LRRC32: variants seen among roughly 807,000 people sequenced by gnomAD.
LRRC32 encodes leucine rich repeat containing 32.
In LRRC32, 5 loss-of-function variants were observed where a neutral mutation model predicts 15.0. The observed-to-expected ratio is 0.33, with a 90% CI of 0.17 to 0.70. The LOEUF (loss-of-function observed/expected upper bound fraction) is 0.70, where lower values mean the gene tolerates loss of function less well. Among genes scored for constraint, LRRC32 ranks in the 30% least tolerant of loss-of-function variants. The probability of loss-of-function intolerance (pLI) is 0.66; values close to 1 mark genes in which losing one functional copy is unlikely to be tolerated. For missense variants in LRRC32, 803 were observed against 854.2 expected (o/e 0.94, Z 0.75); for synonymous variants, 391 against 403.9 (o/e 0.97, Z 0.38).
Position 76,659,855 on chromosome 11 carries a change from A to G in LRRC32, c.1738T>C (p.Trp580Arg). ...GNPLSCCGNG[W>R]LAAQLHQGRV... ...CCCTGGTGCAGCTGGGCTGCCAGCC[A>G]GCCATTGCCGCAGCAGCTGAGTGGA... Residue 580 changes from tryptophan (W) to arginine (R), a missense_variant, in exon 3 of 3, where the codon TGG becomes CGG. Transcript: ENST00000260061. The G allele has an allele frequency of 1.2e-6, 2 of 1,614,088 alleles. No homozygotes were observed. The highest frequency in any genetic ancestry group is 1.7e-6 in the Non-Finnish European group (2 of 1,180,032).
At chr11:76,667,664 C>T (rs1078575) in intron 1 of LRRC32, among the ~76,000 whole-genome samples, 3,007 of 152,350 alleles carry the variant, frequency 0.02, 104 homozygotes, top group African/African-American at 0.066. Context: ...AAAAGCAGAA[C>T]GCCACCGCCC....
At chr11:76,668,039 C>G (rs2120109361) in intron 1 of LRRC32, among the ~76,000 whole-genome samples, 1 of 152,292 alleles carries the variant, frequency 6.6e-6, no homozygotes, top group South Asian at 2.1e-4. Flanking sequence ...GCTACTGGGC[C>G]CCACCCCCTC....
intron 1 of LRRC32, 49 bp from the exon 2 acceptor site, chr11:76,666,007 T>G: frequency 3.2e-6 from 5 of 1,550,332 alleles, no homozygotes; most frequent in Non-Finnish European, 4.5e-6. Context: ...CACTGGCTCC[T>G]TCCCACTGCC....
intron 1 of LRRC32, among the ~76,000 whole-genome samples, chr11:76,667,110 C>T (rs554359902): frequency 2.6e-5 from 4 of 152,334 alleles, no homozygotes; most frequent in Admixed American, 6.5e-5. Flanking sequence ...GAGAATCAAA[C>T]GAGATGCCAC....
chr11:76,659,866 C>T lies in LRRC32; in HGVS notation c.1727G>A (p.Cys576Tyr). ...LYLQGNPLSCCGNGWLAAQLH... is the reference protein window; with the variant it reads ...LYLQGNPLSCYGNGWLAAQLH... ...CTGGGCTGCCAGCCAGCCATTGCCG[C>T]AGCAGCTGAGTGGATTCCCCTGCAG... The change falls in exon 3 of 3, where the codon TGC (cysteine) becomes TAC (tyrosine). Residue 576 changes from cysteine (C) to tyrosine (Y), a missense_variant. Physicochemically the swap from Cys to Tyr is radical, Grantham distance 194. Coordinates refer to ENST00000260061, the MANE Select transcript of LRRC32 (RefSeq NM_001128922.2). The T allele has an allele frequency of 6.2e-7, 1 of 1,614,068 alleles. No individual in the cohort carries two copies. Among genetic ancestry groups the T allele is most frequent in the Non-Finnish European group, 8.5e-7 (1 of 1,180,028 alleles).
At position 76,661,165 on chromosome 11, in the gene LRRC32, C is replaced by A; in HGVS notation, c.428G>T (p.Arg143Leu). Residue 143 changes from arginine to leucine, a missense_variant, in exon 3 of 3, where the codon CGG becomes CTG. Transcript: ENST00000260061. The stretch of plus-strand genomic sequence containing the variant: ...CAGGCTGGGTGCCTCCCCCAGCAGC[C>A]GCTCCAGCAGGCCGCTGTACAGGCT... The part of the protein sequence containing the change: ...GNSLYSGLLE[R>L]LLGEAPSLHT... The A allele has an allele frequency of 6.2e-7, 1 of 1,613,898 alleles. No individual in the cohort carries two copies. The highest frequency in any genetic ancestry group is 8.5e-7 in the Non-Finnish European group (1 of 1,179,938).
Position 76,661,491 on chromosome 11 carries a change from C to A in LRRC32, c.102G>T (p.Ser34=), listed in dbSNP as rs367831221. 1.2e-5 allele frequency: 19 copies of A among 1,605,794 alleles called. No individual in the cohort carries two copies. In the African/African-American group the frequency reaches 1.9e-4, roughly 16 times the overall value. ...CCTGGAGCAGGCCCAGAACCTGGCA[C>A]GAGACCTTCTTGTCCACCTGGGGAG... ...VPCKMVDKKV[S]CQVLGLLQVP... is the part of the protein sequence containing the mutation. The change falls in exon 3 of 3, where the codon TCG becomes TCT. Residue 34 remains serine (S), a synonymous_variant. Transcript: ENST00000260061.
intron 2 of LRRC32, among the ~76,000 whole-genome samples, chr11:76,664,371 C>T (rs1022931757): frequency 6.6e-6 from 1 of 152,242 alleles, no homozygotes; most frequent in Non-Finnish European, 1.5e-5. Context: ...CCTCCTTCAG[C>T]TCTGAGCTCC....
chr11:76,660,694 A>T lies in LRRC32; in HGVS notation c.899T>A (p.Leu300Gln), dbSNP rs757740917. The change falls in exon 3 of 3, where the codon CTG (leucine) becomes CAG (glutamine). Residue 300 changes from leucine (L) to glutamine (Q), a missense_variant. Leu to Gln is a moderately radical substitution (Grantham distance 113). Transcript: ENST00000260061. ...IHAPSEGWSA[L>Q]PLSAPSGNAS... Reference sequence around the variant, plus strand: ...ATTCCCGCTGGGGGCTGAGAGGGGCAGGGCTGACCAGCCCTCGGAAGGTGC... The same window carrying T: ...ATTCCCGCTGGGGGCTGAGAGGGGCTGGGCTGACCAGCCCTCGGAAGGTGC... 3.1e-6 allele frequency: 5 copies of T among 1,614,000 alleles called. No homozygotes were observed. In the South Asian group the frequency reaches 5.5e-5, roughly 18 times the overall value.
intron 2 of LRRC32, 34 bp from the exon 3 acceptor site, chr11:76,661,542 T>A: frequency 6.5e-7 from 1 of 1,545,888 alleles, no homozygotes; most frequent in Non-Finnish European, 8.7e-7. Flanking sequence ...ACAGCTGGCA[T>A]AAGTGGGCAC....
At position 76,660,576 on chromosome 11, in the gene LRRC32, G is replaced by A. The variant is rs751570520; in HGVS notation, c.1017C>T (p.Thr339=). Residue 339 remains threonine, a synonymous_variant, in exon 3 of 3, where the codon ACC becomes ACT. Transcript: ENST00000260061. ...LIPDSFLEHL[T]SLCFLNLSRN... is the part of the protein sequence containing the mutation. ...TGCTGAGGTTCAGGAAGCACAGGGA[G>A]GTCAGGTGCTCAAGAAAGCTGTCGG... is the stretch of plus-strand genomic sequence containing the variant. 2 of 1,614,084 alleles carry A rather than the reference G, an allele frequency of 1.2e-6. No individual in the cohort carries two copies. The highest frequency in any genetic ancestry group is 1.7e-6 in the Non-Finnish European group (2 of 1,180,036).
chr11:76,670,275 C>A lies in LRRC32; in HGVS notation c.-5+339G>T, dbSNP rs144005106. ...GGGCAGCCCCACGCCTGGCTGGGAT[C>A]GGAGCGTTGCAGGAAACCTGAATTC... is the stretch of plus-strand genomic sequence containing the variant. On this transcript the variant is annotated intron_variant, in intron 1 of 2. Transcript: ENST00000260061. Among the ~76,000 whole-genome samples, 19 of 152,314 alleles carry A rather than the reference C, an allele frequency of 1.2e-4. 1 individual carries two copies. The East Asian group carries it at 3.7e-3, about 29-fold the overall frequency.
At chr11:76,665,415 C>G (rs556071564) in intron 2 of LRRC32, among the ~76,000 whole-genome samples, 2 of 152,082 alleles carry the variant, frequency 1.3e-5, no homozygotes, top group Non-Finnish European at 2.9e-5. Flanking sequence ...GGCACTCCAG[C>G]GGGCAGTCCC....
In LRRC32 at chr11:76,660,103, G is replaced by T. The variant is rs1212795033; in HGVS notation, c.1490C>A (p.Ala497Glu). The T allele has an allele frequency of 6.2e-7, 1 of 1,613,900 alleles. No individual in the cohort carries two copies. Among genetic ancestry groups the T allele is most frequent in the South Asian group, 1.1e-5 (1 of 91,076 alleles). The change falls in exon 3 of 3, where the codon GCA becomes GAA. Residue 497 changes from alanine (A) to glutamate (E), a missense_variant. Transcript: ENST00000260061. ...GGLEASLEVLALQGNGLMVLQ... is the reference protein window; with the variant it reads ...GGLEASLEVLELQGNGLMVLQ... ...GACCATCAGCCCGTTGCCCTGCAGT[G>T]CCAGGACCTCCAAGGAGGCCTCCAG...
At chr11:76,663,207 A>G (rs1359279618) in intron 2 of LRRC32, 1 of 152,252 alleles carries the variant, frequency 6.6e-6, no homozygotes, top group African/African-American at 2.4e-5. Context: ...AGTCCCAGAC[A>G]TCATCAGTTT....
intron 1 of LRRC32, among the ~76,000 whole-genome samples, chr11:76,670,355 A>C (rs1952691858): frequency 2.0e-5 from 3 of 152,194 alleles, no homozygotes; most frequent in African/African-American, 7.2e-5. Context: ...CACGGTCTTC[A>C]GGCCATTGTT....
At chr11:76,663,015 T>G (rs1470367984) in intron 2 of LRRC32, 1 of 152,350 alleles carries the variant, frequency 6.6e-6, no homozygotes, top group African/African-American at 2.4e-5. Flanking sequence ...CACACTGAGC[T>G]TCAGGGCCTC....
At position 76,660,851 on chromosome 11, in the gene LRRC32, G is replaced by C. The variant is rs769250418; in HGVS notation, c.742C>G (p.Leu248Val). 10 of 1,614,240 alleles carry C rather than the reference G, an allele frequency of 6.2e-6. No homozygotes were observed. In the East Asian group the frequency reaches 2.2e-4, roughly 36 times the overall value. The change falls in exon 3 of 3, where the codon CTT becomes GTT. Residue 248 changes from leucine (L) to valine (V), a missense_variant. Physicochemically the swap from Leu to Val is conservative, Grantham distance 32 (BLOSUM62 1). Coordinates refer to ENST00000260061, the MANE Select transcript of LRRC32 (RefSeq NM_001128922.2). ...AGCAGTTTGTTCTCCCGCAGGTCAAGCCAGGTGAGCTGGAACTCAGCCTGG... is the reference window on the plus strand; with the variant it reads ...AGCAGTTTGTTCTCCCGCAGGTCAACCCAGGTGAGCTGGAACTCAGCCTGG... Reference protein sequence around the residue: ...QPQAEFQLTWLDLRENKLLHF... With the variant: ...QPQAEFQLTWVDLRENKLLHF...
chr11:76,661,104 G>A lies in LRRC32; in HGVS notation c.489C>T (p.Arg163=), dbSNP rs770260352. The part of the protein sequence containing the change: ...TLSLAENSLT[R]LTRHTFRDMP... ...TGTCCCGGAAGGTGTGGCGGGTGAG[G>A]CGAGTCAGACTGTTCTCCGCCAGTG... The change falls in exon 3 of 3, where the codon CGC becomes CGT. Residue 163 remains arginine, a synonymous_variant. Coordinates refer to ENST00000260061, the MANE Select transcript of LRRC32 (RefSeq NM_001128922.2). The A allele has an allele frequency of 6.2e-7, 1 of 1,613,950 alleles. No homozygotes were observed. The highest frequency in any genetic ancestry group is 1.7e-5 in the Admixed American group (1 of 60,032).
Sources: allele counts gnomAD v4.1 joint callset (sites outside exome capture counted in the v4.1 genomes callset), GRCh38; gene constraint gnomAD v4.1.1; transcripts MANE v1.5; gene names NCBI Gene and HGNC (gene_info 2026-07-23, HGNC 2026-07-21).